MYO1C: variants seen among roughly 807,000 people sequenced by gnomAD.
MYO1C encodes myosin IC, also known as unconventional myosin-Ic.
A neutral mutation model predicts 150.8 loss-of-function variants in MYO1C; 104 were observed. That is an observed-to-expected ratio of 0.69 (90% CI 0.59 to 0.81). The LOEUF is 0.81. MYO1C is among the 30% of genes least tolerant of loss of function. The pLI is 0.00. For synonymous variants in MYO1C, 663 were observed against 579.9 expected (o/e 1.14, Z -2.06); for missense variants, 1,504 against 1,435.0 (o/e 1.05, Z -0.78).
In MYO1C at chr17:1,467,340, T is replaced by C. The variant is rs575201506; in HGVS notation, c.3067A>G (p.Ile1023Val). 6.2e-7 allele frequency: 1 copy of C among 1,612,514 alleles called. No homozygotes were observed. The highest frequency in any genetic ancestry group is 1.3e-5 in the African/African-American group (1 of 75,018). Residue 1023 changes from isoleucine (I) to valine (V), a missense_variant and splice_region_variant, in exon 31 of 32, where the codon ATC (isoleucine) becomes GTC (valine). Physicochemically the swap from Ile to Val is conservative, Grantham distance 29. Coordinates refer to ENST00000648651, the MANE Select transcript of MYO1C (RefSeq NM_001080779.2). ...VNSININQGSITFAGGPGRDG... is the reference protein window; with the variant it reads ...VNSININQGSVTFAGGPGRDG... The stretch of plus-strand genomic sequence containing the variant: ...CTGCCGGGGCCCCCTGCAAACGTGA[T>C]GCTGGGGGAACGGGGTGGGTGAGGG...
chr17:1,475,142 C>T (rs546966332), intron 14 of MYO1C, 110 bp from the exon 15 acceptor site: 138 of 1,087,316 alleles, frequency 1.3e-4, no homozygotes, highest in Admixed American at 3.0e-4. Context: ...CACCCCAGGC[C>T]GGGCACAGTG....
intron 14 of MYO1C, 62 bp downstream of exon 14, chr17:1,477,443 G>T: frequency 6.9e-7 from 1 of 1,459,346 alleles, no homozygotes; most frequent in Middle Eastern, 1.7e-4. Context: ...AGGGACTCCT[G>T]CACTCCGCAG....
At chr17:1,473,615 T>G (rs976317542) in intron 17 of MYO1C, among the ~76,000 whole-genome samples, 1 of 152,088 alleles carries the variant, frequency 6.6e-6, no homozygotes, top group African/African-American at 2.4e-5. Context: ...ACCCTCTTTT[T>G]GCCAAGCCCA....
chr17:1,471,353 A>G lies in MYO1C; in HGVS notation c.2022-17T>C. 7 of 1,609,728 alleles carry G rather than the reference A, an allele frequency of 4.3e-6. No individual in the cohort carries two copies. Among genetic ancestry groups the G allele is most frequent in the Non-Finnish European group, 5.9e-6 (7 of 1,177,014 alleles). The stretch of plus-strand genomic sequence containing the variant: ...GACTTGTACCTGGGGACAGGAATGC[A>G]CGCGGCTCCCACCCCAGTCAGCAGC... On this transcript the variant is annotated splice_polypyrimidine_tract_variant and intron_variant, in intron 19 of 31. Transcript: ENST00000648651.
rs1598336365 is a variant in MYO1C at position 1,478,558 on chromosome 17, C to G, written c.1212+58G>C. ...GTGCCAGCCCCACCCTGCAGCACCC[C>G]CCGCCTCGCCGACGGCCCTCCCTTC... On this transcript the variant is annotated intron_variant, in intron 10 of 31. Coordinates refer to ENST00000648651, the MANE Select transcript of MYO1C (RefSeq NM_001080779.2). The surrounding 1 kb of genome is among the most constrained non-coding windows in gnomAD (Gnocchi z 6.3). 5.0e-6 allele frequency: 8 copies of G among 1,613,846 alleles called. No homozygotes were observed. The highest frequency in any genetic ancestry group is 4.5e-5 in the East Asian group (2 of 44,886).
intron 24 of MYO1C, 74 bp from the exon 25 acceptor site, chr17:1,469,688 C>T (rs1475292276): frequency 3.2e-6 from 4 of 1,237,824 alleles, no homozygotes; most frequent in African/African-American, 3.0e-5. Flanking sequence ...ACATATGCTA[C>T]TGCATCCTTT....
chr17:1,484,760 A>G (rs2074615997), intron 1 of MYO1C: 2 of 363,004 alleles, frequency 5.5e-6, no homozygotes, highest in Non-Finnish European at 1.1e-5. Flanking sequence ...AAGGAGGAGG[A>G]GTTGAGTTAG....
intron 18 of MYO1C, 39 bp downstream of exon 18, chr17:1,472,084 G>T: frequency 6.2e-7 from 1 of 1,613,072 alleles, no homozygotes; most frequent in South Asian, 1.1e-5. Context: ...CTCCTGCAGG[G>T]GAGGCCCGGC....
In MYO1C at chr17:1,483,413, G is replaced by A. The variant is rs1017230928; in HGVS notation, c.347+197C>T. 7.2e-5 allele frequency among the ~76,000 whole-genome samples: 11 copies of A among 152,048 alleles called. No homozygotes were observed. The East Asian group carries it at 9.6e-4, about 13-fold the overall frequency. ...GGGGAATAAGTCATGGGTGTGAGTC[G>A]GGGTAGGGACTGAGTCCCACCCACA... is the stretch of plus-strand genomic sequence containing the variant. On this transcript the variant is annotated intron_variant, in intron 3 of 31. Coordinates refer to ENST00000648651, the MANE Select transcript of MYO1C (RefSeq NM_001080779.2).
intron 1 of MYO1C, chr17:1,491,660 C>T: frequency 3.1e-6 from 3 of 980,678 alleles, no homozygotes; most frequent in Non-Finnish European, 3.6e-6. Flanking sequence ...CTTGGGGATC[C>T]GCGGCCCGGG....
chr17:1,478,590 G>T lies in MYO1C; in HGVS notation c.1212+26C>A. Reference sequence around the variant, plus strand: ...CGCCGACGGCCCTCCCTTCTGCCTTGGGAGCAGTGTGGACCGAGCCCTCAC... The same window carrying T: ...CGCCGACGGCCCTCCCTTCTGCCTTTGGAGCAGTGTGGACCGAGCCCTCAC... On this transcript the variant is annotated intron_variant, in intron 10 of 31. Coordinates refer to ENST00000648651, the MANE Select transcript of MYO1C (RefSeq NM_001080779.2). The surrounding 1 kb of genome is among the most constrained non-coding windows in gnomAD (Gnocchi z 6.3). 2 of 1,613,936 alleles carry T rather than the reference G, an allele frequency of 1.2e-6. No homozygotes were observed. The highest frequency in any genetic ancestry group is 1.7e-6 in the Non-Finnish European group (2 of 1,179,950).
chr17:1,478,251 GA>G lies in MYO1C; in HGVS notation c.1296-60del. 6.3e-7 allele frequency: 1 copy of G among 1,580,872 alleles called. No individual in the cohort carries two copies. Among genetic ancestry groups the G allele is most frequent in the Non-Finnish European group, 8.7e-7 (1 of 1,151,418 alleles). On this transcript the variant is annotated intron_variant, in intron 11 of 31. Coordinates refer to ENST00000648651, the MANE Select transcript of MYO1C (RefSeq NM_001080779.2). This position sits in a 1 kb window ranked among gnomAD's most constrained non-coding sequence, Gnocchi z 6.3. ...GTGGGGACACAGGACCAGGAGAGGG[GA>G]AAAGCTGGACGACGCCCCTGAGCAC...
chr17:1,471,904 C>G lies in MYO1C; in HGVS notation c.2021+3G>C, dbSNP rs1480121175. ...CCTGGCACCGAGCAGGACCTGCCCC[C>G]ACCTTTGCAGGAAAGCTTCGTATTT... On this transcript the variant is annotated splice_donor_region_variant and intron_variant, in intron 19 of 31. Coordinates refer to ENST00000648651, the MANE Select transcript of MYO1C (RefSeq NM_001080779.2). 1 of 1,613,970 alleles carries G rather than the reference C, an allele frequency of 6.2e-7. No homozygotes were observed. The highest frequency in any genetic ancestry group is 8.5e-7 in the Non-Finnish European group (1 of 1,179,912).
chr17:1,470,392 C>T (rs933828671), intron 23 of MYO1C, 43 bp downstream of exon 23: 92 of 1,547,612 alleles, frequency 5.9e-5, no homozygotes, highest in Non-Finnish European at 7.9e-5. Flanking sequence ...AACCACCCCC[C>T]ACGCCCTGCT....
rs1247862100 is a variant in MYO1C, at chr17:1,482,557, G to A, written c.548C>T (p.Ala183Val). ...CCGGAGGGTCTTGGCATTTCCAAAG[G>A]CCTAGGAGTGGACAGGGGTATGAGG... ...RLLQSNPVLEAFGNAKTLRND... is the reference protein window; with the variant it reads ...RLLQSNPVLEVFGNAKTLRND... The change falls in exon 5 of 32, where the codon GCC becomes GTC. Residue 183 changes from alanine to valine, a missense_variant and splice_region_variant. Transcript: ENST00000648651. The A allele has an allele frequency of 1.2e-6, 2 of 1,613,724 alleles. No homozygotes were observed. The highest frequency in any genetic ancestry group is 8.5e-7 in the Non-Finnish European group (1 of 1,179,794).
intron 21 of MYO1C, 56 bp downstream of exon 21, chr17:1,471,015 T>C: frequency 6.4e-6 from 10 of 1,566,116 alleles, no homozygotes. Flanking sequence ...AGGGAGTGAC[T>C]TCCCTGCTTC....
chr17:1,469,343 G>C (rs919864146), intron 25 of MYO1C, 188 bp downstream of exon 25: 1 of 638,388 alleles, frequency 1.6e-6, no homozygotes, highest in Non-Finnish European at 2.9e-6. Flanking sequence ...ACGGTAGGCG[G>C]GGTAAATACG....
rs2074256002 is a variant in MYO1C at position 1,469,563 on chromosome 17, A to C, written c.2578T>G (p.Cys860Gly). The change falls in exon 25 of 32, where the codon TGC becomes GGC. Residue 860 changes from cysteine (C) to glycine (G), a missense_variant. Transcript: ENST00000648651. ...TTCCACTCAGGGCTGATACTCCGGC[A>C]GTATTTCCACACCATGTTCTTTATG... ...LCIKNMVWKY[C>G]RSISPEWKQQ... is the part of the protein sequence containing the mutation. The C allele has an allele frequency of 6.2e-7, 1 of 1,613,258 alleles. No homozygotes were observed. Among genetic ancestry groups the C allele is most frequent in the Non-Finnish European group, 8.5e-7 (1 of 1,179,800 alleles).
At chr17:1,470,413 C>A in intron 23 of MYO1C, 22 bp downstream of exon 23, 1 of 1,550,074 alleles carries the variant, frequency 6.5e-7, no homozygotes, top group Non-Finnish European at 8.7e-7. Flanking sequence ...CTGCAGCCCC[C>A]ACAAGGCACC....
Sources: gnomAD v4.1 joint callset for allele counts (sites outside exome capture counted in the v4.1 genomes callset) on GRCh38, gnomAD v4.1.1 for gene constraint, Gnocchi (gnomAD v3.1) non-coding constraint, MANE v1.5 for transcripts, NCBI Gene and HGNC (gene_info 2026-07-23, HGNC 2026-07-21) for gene names.